TRIQK: variants seen among roughly 807,000 people sequenced by gnomAD.
The protein encoded by TRIQK is triple QxxK/R motif-containing protein.
In TRIQK, 10 loss-of-function variants were observed where a neutral mutation model predicts 10.8. The ratio of observed to expected loss-of-function variants is 0.92; its 90% CI spans 0.57 to 1.57. The LOEUF is 1.57. TRIQK is among the 40% of genes most tolerant of loss of function. The pLI, the probability that TRIQK is intolerant of heterozygous loss-of-function variation, is 0.00. For synonymous variants in TRIQK, 33 were observed against 33.7 expected (o/e 0.98, Z 0.07); for missense variants, 107 against 97.7 (o/e 1.09, Z -0.40).
intron 2 of TRIQK, among the ~76,000 whole-genome samples, chr8:92,936,113 C>T (rs1002394876): frequency 2.6e-5 from 4 of 151,502 alleles, no homozygotes; most frequent in African/African-American, 9.7e-5. Flanking sequence ...CTTCTCAACT[C>T]ATTTCATAAG....
chr8:92,901,814 T>C (rs1808956098), intron 3 of TRIQK, among the ~76,000 whole-genome samples: 1 of 152,130 alleles, frequency 6.6e-6, no homozygotes, highest in Non-Finnish European at 1.5e-5. Flanking sequence ...TTGAGTAAGA[T>C]TGGTATTATT....
At chr8:93,006,545 G>A (rs895983048) in intron 1 of TRIQK, among the ~76,000 whole-genome samples, 1 of 152,142 alleles carries the variant, frequency 6.6e-6, no homozygotes, top group Admixed American at 6.5e-5. Context: ...TAAGACTATT[G>A]AGTTCCCAGG....
chr8:92,997,783 G>A (rs1213399762), intron 1 of TRIQK, among the ~76,000 whole-genome samples: 1 of 151,924 alleles, frequency 6.6e-6, no homozygotes, highest in African/African-American at 2.4e-5. Context: ...TGAGCCAGGG[G>A]AACTGGATTT....
At position 93,009,805 on chromosome 8, in the gene TRIQK, G is replaced by C. The variant is rs543094412; in HGVS notation, c.-181+7804C>G. Among the ~76,000 whole-genome samples the C allele has an allele frequency of 1.1e-3, 162 of 152,072 alleles. 1 individual carries two copies. The highest frequency in any genetic ancestry group is 3.5e-3 in the African/African-American group (145 of 41,494). ...TTATATCCAAAGGAAAAAAAAATCA[G>C]CATGTCAAATAGATATCTGTACTCT... On this transcript the variant is annotated intron_variant, in intron 1 of 4. Coordinates refer to the TRIQK transcript ENST00000520686.
intron 2 of TRIQK, among the ~76,000 whole-genome samples, chr8:92,941,902 A>G (rs1329849306): frequency 6.6e-6 from 1 of 152,212 alleles, no homozygotes; most frequent in Non-Finnish European, 1.5e-5. Context: ...TCTGAACAGA[A>G]CAATAATAAC....
chr8:93,000,139 A>G (rs1369843127), intron 1 of TRIQK, among the ~76,000 whole-genome samples: 1 of 152,248 alleles, frequency 6.6e-6, no homozygotes, highest in African/African-American at 2.4e-5. Context: ...TAGTTAAAGC[A>G]TAAAATTAGC....
Position 92,884,669 on chromosome 8 carries a change from T to C in TRIQK, c.*1953A>G, listed in dbSNP as rs1410898254. ...CAAGACCATAACCAGCCATTTTAAG[T>C]ACTGTAAACTCTGTTATATTTCATT... On this transcript the variant is annotated 3_prime_UTR_variant, in exon 5 of 5. Coordinates refer to ENST00000521988, the MANE Select transcript of TRIQK (RefSeq NM_001171797.2). 2.9e-6 allele frequency: 1 copy of C among 348,506 alleles called. No individual in the cohort carries two copies. Among genetic ancestry groups the C allele is most frequent in the Non-Finnish European group, 5.7e-6 (1 of 176,004 alleles). 21.6% of individuals were successfully genotyped at this position (348,506 alleles called of 1,614,324 possible). A position where few individuals can be genotyped will look rare whatever the true frequency, so the allele number is the denominator to read the frequency against.
chr8:92,991,412 A>AGACT (rs1813095492), intron 1 of TRIQK, among the ~76,000 whole-genome samples: 1 of 152,220 alleles, frequency 6.6e-6, no homozygotes, highest in African/African-American at 2.4e-5. Flanking sequence ...GCTAAGGGAC[A>AGACT]GACTGCCTCT....
chr8:92,990,953 A>C (rs909662115), intron 1 of TRIQK, among the ~76,000 whole-genome samples: 2 of 152,194 alleles, frequency 1.3e-5, no homozygotes, highest in Admixed American at 6.5e-5. Context: ...CAAGTGGTCT[A>C]GCTCAGCAGA....
chr8:92,980,947 C>G (rs1812980129), intron 1 of TRIQK, among the ~76,000 whole-genome samples: 1 of 151,042 alleles, frequency 6.6e-6, no homozygotes, highest in African/African-American at 2.4e-5. Flanking sequence ...TTTCTAAGTT[C>G]TATGCTTTAA....
At chr8:92,905,133 T>C (rs185283683) in intron 3 of TRIQK, among the ~76,000 whole-genome samples, 83 of 152,240 alleles carry the variant, frequency 5.5e-4, no homozygotes, top group Non-Finnish European at 9.6e-4. Flanking sequence ...CATAGAAGCA[T>C]CGTTCGTAAT....
At chr8:92,902,800 T>C (rs953078443) in intron 3 of TRIQK, among the ~76,000 whole-genome samples, 1 of 152,092 alleles carries the variant, frequency 6.6e-6, no homozygotes, top group African/African-American at 2.4e-5. Flanking sequence ...TCTAACTTTT[T>C]TGTTTCTCTT....
chr8:92,907,040 G>A (rs1809306068), intron 3 of TRIQK, among the ~76,000 whole-genome samples: 1 of 152,110 alleles, frequency 6.6e-6, no homozygotes, highest in African/African-American at 2.4e-5. Context: ...AATCCATCTT[G>A]AAATAACATG....
chr8:92,991,728 A>G (rs1188670181), intron 1 of TRIQK, among the ~76,000 whole-genome samples: 3 of 152,206 alleles, frequency 2.0e-5, no homozygotes, highest in Non-Finnish European at 4.4e-5. Context: ...CTGTTTGCAG[A>G]TGACATGATT....
At chr8:92,997,412 G>A (rs956716725) in intron 1 of TRIQK, among the ~76,000 whole-genome samples, 9 of 152,064 alleles carry the variant, frequency 5.9e-5, no homozygotes. Flanking sequence ...AAGGATTTAG[G>A]ACGTTAGGTT....
At chr8:92,895,532 G>C (rs1328758783) in intron 3 of TRIQK, among the ~76,000 whole-genome samples, 1 of 152,130 alleles carries the variant, frequency 6.6e-6, no homozygotes, top group Non-Finnish European at 1.5e-5. Flanking sequence ...AGGAAAGTCT[G>C]AATCTTCTTA....
intron 2 of TRIQK, among the ~76,000 whole-genome samples, chr8:92,937,558 C>T (rs1330568993): frequency 1.3e-5 from 2 of 148,318 alleles, no homozygotes; most frequent in African/African-American, 5.0e-5. Context: ...CTATTTGTCC[C>T]ATCTGCTGTT....
chr8:92,921,798 CT>C (rs1202380776), intron 2 of TRIQK: 5 of 151,784 alleles, frequency 3.3e-5, no homozygotes, highest in African/African-American at 9.7e-5. Flanking sequence ...AATTATCAAA[CT>C]GTAATTTTTC....
intron 1 of TRIQK, among the ~76,000 whole-genome samples, chr8:92,991,627 C>G (rs1274213035): frequency 6.6e-6 from 1 of 152,132 alleles, no homozygotes; most frequent in Non-Finnish European, 1.5e-5. Flanking sequence ...CACTCCTATT[C>G]AACATAGTAT....
Sources: gnomAD v4.1 joint callset for allele counts (sites outside exome capture counted in the v4.1 genomes callset) on GRCh38, gnomAD v4.1.1 for gene constraint, MANE v1.5 for transcripts, NCBI Gene and HGNC (gene_info 2026-07-23, HGNC 2026-07-21) for gene names.